AFF2: variants seen among roughly 807,000 people sequenced by gnomAD.
AFF2 encodes the protein AF4/FMR2 family member 2.
AFF2 carries 14 observed loss-of-function variants against 76.9 expected under a neutral mutation model. The observed-to-expected ratio is 0.18, with a 90% CI of 0.12 to 0.28. The LOEUF is 0.28. AFF2 is among the 10% of genes least tolerant of loss of function. The pLI is 1.00. For missense variants in AFF2, 868 were observed against 1,001.1 expected, an observed-to-expected ratio of 0.87 and a Z score of 1.79; for synonymous variants, 398 against 366.7, an observed-to-expected ratio of 1.09 and a Z score of -0.98.
chrX:148,585,231 G>T (rs907692503), intron 1 of AFF2, among the ~76,000 whole-genome samples: 12 of 111,566 alleles, frequency 1.1e-4, no homozygotes, highest in African/African-American at 2.9e-4. Context: ...CAGCTACTGG[G>T]TACAAACATA....
Position 148,652,150 on chromosome X carries a change from T to C in AFF2, c.180+19T>C, listed in dbSNP as rs373696654. ...TGAATATGTATGTAATTTTTCTTTC[T>C]GGAAAATGGTTGCTTGTTACATTTT... On this transcript the variant is annotated intron_variant, in intron 2 of 20. Transcript: ENST00000370460. 1.9e-4 allele frequency: 223 copies of C among 1,149,868 alleles called. No homozygotes were observed. Among genetic ancestry groups the C allele is most frequent in the Non-Finnish European group, 2.6e-4 (217 of 849,195 alleles). 94.8% of individuals were successfully genotyped at this position (1,149,868 alleles called of 1,213,427 possible).
At chrX:148,821,574 G>A (rs1467494158) in intron 4 of AFF2, among the ~76,000 whole-genome samples, 1 of 110,405 alleles carries the variant, frequency 9.1e-6, no homozygotes, top group African/African-American at 3.3e-5. Flanking sequence ...TCTGTGTGCT[G>A]CCCCCTCCCT....
intron 1 of AFF2, among the ~76,000 whole-genome samples, chrX:148,596,184 T>C (rs1204414172): frequency 9.0e-6 from 1 of 111,730 alleles, no homozygotes; most frequent in Non-Finnish European, 1.9e-5. Flanking sequence ...GTGTAGGAGA[T>C]AAGATATATA....
chrX:148,798,838 C>T (rs2070020351), intron 3 of AFF2, among the ~76,000 whole-genome samples: 2 of 111,927 alleles, frequency 1.8e-5, no homozygotes, highest in East Asian at 2.8e-4. Context: ...ATTCAATGGG[C>T]TTGAGATGCT....
intron 1 of AFF2, among the ~76,000 whole-genome samples, chrX:148,622,255 T>G (rs1557251371): frequency 2.7e-5 from 3 of 111,681 alleles, no homozygotes; most frequent in African/African-American, 9.7e-5. Context: ...GACAGTGTAG[T>G]GTAGGTAAAT....
At position 148,978,002 on chromosome X, in the gene AFF2, A is replaced by G; in HGVS notation, c.3474A>G (p.Leu1158=). Residue 1158 remains leucine (L), a splice_region_variant and synonymous_variant, in exon 17 of 21, where the codon CTA becomes CTG. Coordinates refer to ENST00000370460, the MANE Select transcript of AFF2 (RefSeq NM_002025.4). The part of the protein sequence containing the change: ...ASDGDKKLAV[L]CYRCLSLLYL... Reference sequence around the variant, plus strand: ...ATGGGGACAAAAAGCTAGCAGTACTATGGTGAGTCCCATGGAGGCCACAAG... The same window carrying G: ...ATGGGGACAAAAAGCTAGCAGTACTGTGGTGAGTCCCATGGAGGCCACAAG... The G allele has an allele frequency of 8.4e-7, 1 of 1,194,129 alleles. No individual in the cohort carries two copies. The highest frequency in any genetic ancestry group is 1.1e-6 in the Non-Finnish European group (1 of 879,240).
At chrX:148,581,387 C>T (rs1569551648) in intron 1 of AFF2, among the ~76,000 whole-genome samples, 9 of 30,483 alleles carry the variant, frequency 3.0e-4, no homozygotes. Context: ...CACATATACA[C>T]GTATATACGT....
chrX:148,747,926 A>C (rs2055442299), intron 3 of AFF2, among the ~76,000 whole-genome samples: 1 of 111,557 alleles, frequency 9.0e-6, no homozygotes, highest in Non-Finnish European at 1.9e-5. Context: ...AGATTTATTA[A>C]ATTTCTATCA....
At chrX:148,820,619 A>G in intron 4 of AFF2, among the ~76,000 whole-genome samples, 1 of 111,804 alleles carries the variant, frequency 8.9e-6, no homozygotes, top group Non-Finnish European at 1.9e-5. Context: ...AAAAATGACT[A>G]AAAAGAAACT....
At chrX:148,877,409 C>T (rs2071047399) in intron 7 of AFF2, among the ~76,000 whole-genome samples, 1 of 111,907 alleles carries the variant, frequency 8.9e-6, no homozygotes, top group Non-Finnish European at 1.9e-5. Context: ...CTACCTCTTC[C>T]CCTAAACCAG....
chrX:148,843,101 A>G, intron 6 of AFF2, 99 bp downstream of exon 6: 1 of 653,000 alleles, frequency 1.5e-6, no homozygotes, highest in Non-Finnish European at 2.3e-6. Flanking sequence ...ACATGAAAGA[A>G]CAACAATAAC....
At chrX:148,594,789 C>T (rs781793925) in intron 1 of AFF2, among the ~76,000 whole-genome samples, 2 of 111,959 alleles carry the variant, frequency 1.8e-5, no homozygotes, top group East Asian at 5.7e-4. Context: ...AGTTAGATCC[C>T]CAATTCCTCT....
intron 3 of AFF2, among the ~76,000 whole-genome samples, chrX:148,685,224 C>T (rs2054589769): frequency 8.9e-6 from 1 of 111,925 alleles, no homozygotes; most frequent in Non-Finnish European, 1.9e-5. Flanking sequence ...CTTGGTGCTA[C>T]CTCCACTGGG....
chrX:148,557,472 C>G (rs1429207724), intron 1 of AFF2, among the ~76,000 whole-genome samples: 1 of 111,837 alleles, frequency 8.9e-6, no homozygotes, highest in Non-Finnish European at 1.9e-5. Context: ...CTGCATCTGG[C>G]AGAGCCTTCT....
chrX:148,531,908 T>A (rs917026125), intron 1 of AFF2, among the ~76,000 whole-genome samples: 4 of 107,503 alleles, frequency 3.7e-5, no homozygotes, highest in Non-Finnish European at 5.8e-5. Flanking sequence ...ATCTTTTTTT[T>A]AAAAAAAAAG....
chrX:148,715,842 A>T (rs241083), intron 3 of AFF2, among the ~76,000 whole-genome samples: 9,812 of 111,340 alleles, frequency 0.088, 507 homozygotes, highest in African/African-American at 0.19. Flanking sequence ...ATACATTTAA[A>T]ATGTTTTAAT....
intron 20 of AFF2, among the ~76,000 whole-genome samples, chrX:148,989,701 C>T (rs782140145): frequency 2.7e-5 from 3 of 112,416 alleles, no homozygotes; most frequent in Admixed American, 9.4e-5. Context: ...GAGACAACCA[C>T]GTATTTGCAC....
intron 2 of AFF2, among the ~76,000 whole-genome samples, chrX:148,661,444 A>G (rs1259950919): frequency 8.9e-6 from 1 of 111,976 alleles, no homozygotes; most frequent in Non-Finnish European, 1.9e-5. Context: ...TTCTTATCCA[A>G]TAGCCTAAGC....
chrX:148,955,183 C>T (rs1557287067), intron 10 of AFF2, among the ~76,000 whole-genome samples: 2 of 112,196 alleles, frequency 1.8e-5, no homozygotes, highest in Non-Finnish European at 3.8e-5. Context: ...TTGAGGTGTG[C>T]TTACGTTCCT....
Sources: allele counts gnomAD v4.1 joint callset (sites outside exome capture counted in the v4.1 genomes callset), GRCh38; gene constraint gnomAD v4.1.1; transcripts MANE v1.5; gene names NCBI Gene and HGNC (gene_info 2026-07-23, HGNC 2026-07-21).